TLN2: variants seen among roughly 807,000 people sequenced by gnomAD.
TLN2 encodes talin-2.
Under a neutral mutation model 294.7 loss-of-function variants are expected in TLN2, and 118 were observed. The ratio of observed to expected loss-of-function variants is 0.40; its 90% CI spans 0.34 to 0.47. TLN2 has a LOEUF of 0.47. Among genes scored for constraint, TLN2 ranks in the 20% least tolerant of loss-of-function variants. The pLI, the probability that TLN2 is intolerant of heterozygous loss-of-function variation, is 0.84. For synonymous variants in TLN2, 1,431 were observed against 1,304.5 expected (o/e 1.10, Z -2.09); for missense variants, 3,083 against 3,282.2 (o/e 0.94, Z 1.48).
intron 25 of TLN2, among the ~76,000 whole-genome samples, chr15:62,721,596 A>G (rs2060152848): frequency 6.6e-6 from 1 of 152,072 alleles, no homozygotes; most frequent in Non-Finnish European, 1.5e-5. Flanking sequence ...TAGTTTTATA[A>G]CATATATATT....
intron 1 of TLN2, among the ~76,000 whole-genome samples, chr15:62,456,130 C>T (rs2036465777): frequency 6.6e-6 from 1 of 152,108 alleles, no homozygotes; most frequent in African/African-American, 2.4e-5. Context: ...AAGTAACAGC[C>T]CTGATCGTCC....
chr15:62,608,452 C>G (rs2047634498), intron 2 of TLN2, among the ~76,000 whole-genome samples: 1 of 152,062 alleles, frequency 6.6e-6, no homozygotes, highest in Non-Finnish European at 1.5e-5. Context: ...ATGTGAGGAT[C>G]CTAGCTGGGA....
At chr15:62,695,292 G>A (rs1233445658) in intron 14 of TLN2, among the ~76,000 whole-genome samples, 1 of 152,140 alleles carries the variant, frequency 6.6e-6, no homozygotes, top group Non-Finnish European at 1.5e-5. Flanking sequence ...ATGCAAAAGG[G>A]AGGCCAGGGG....
chr15:62,599,844 C>A (rs1473554515), intron 2 of TLN2, among the ~76,000 whole-genome samples: 1 of 152,064 alleles, frequency 6.6e-6, no homozygotes, highest in Non-Finnish European at 1.5e-5. Context: ...CCCTGTTGGC[C>A]ACTCTTGTCA....
chr15:62,717,015 G>A (rs1331075280), intron 23 of TLN2, among the ~76,000 whole-genome samples: 4 of 151,992 alleles, frequency 2.6e-5, no homozygotes, highest in Non-Finnish European at 5.9e-5. Flanking sequence ...GAGTTTGGAA[G>A]ATGAGACCTT....
At chr15:62,596,702 C>T (rs2046549099) in intron 2 of TLN2, among the ~76,000 whole-genome samples, 1 of 150,848 alleles carries the variant, frequency 6.6e-6, no homozygotes, top group Non-Finnish European at 1.5e-5. Flanking sequence ...CATGCCACTG[C>T]ACTCCAGCAG....
rs757038177 is a variant in TLN2 at position 62,736,840 on chromosome 15, G to A, written c.3359-38G>A. 5.0e-6 allele frequency: 8 copies of A among 1,600,304 alleles called. No individual in the cohort carries two copies. In the Admixed American group the frequency reaches 1.3e-4, roughly 27 times the overall value. ...CCTAAGTAAAATGTGCCATTTAGAT[G>A]GAGTCTAATTGGAAATCTGATGGAC... is the stretch of plus-strand genomic sequence containing the variant. On this transcript the variant is annotated intron_variant, in intron 28 of 58. Transcript: ENST00000636159.
At chr15:62,665,122 G>C (rs555756329) in intron 9 of TLN2, among the ~76,000 whole-genome samples, 29 of 152,174 alleles carry the variant, frequency 1.9e-4, no homozygotes, top group African/African-American at 6.7e-4. Flanking sequence ...ACCCAGGCTG[G>C]AGTGCAGTGG....
At chr15:62,425,624 G>C (rs2034667558) in intron 1 of TLN2, among the ~76,000 whole-genome samples, 2 of 152,186 alleles carry the variant, frequency 1.3e-5, no homozygotes, top group Admixed American at 6.5e-5. Flanking sequence ...TTCCTGCTTT[G>C]GTGTTTGTCT....
Position 62,800,742 on chromosome 15 carries a change from A to T in TLN2, c.6450A>T (p.Thr2150=), listed in dbSNP as rs773093884. The T allele has an allele frequency of 1.2e-6, 2 of 1,613,216 alleles. No individual in the cohort carries two copies. Among genetic ancestry groups the T allele is most frequent in the East Asian group, 4.5e-5 (2 of 44,862 alleles). The change falls in exon 50 of 59, where the codon ACA becomes ACT. Residue 2150 remains threonine, a synonymous_variant. Transcript: ENST00000636159. ...GGGGCACCAGGGCGCTTGAGGCCACAATTGAATGCATAAAGCAGGAGCTTA... is the reference window on the plus strand; with the variant it reads ...GGGGCACCAGGGCGCTTGAGGCCACTATTGAATGCATAAAGCAGGAGCTTA... ...ATRGTRALEA[T]IECIKQELTV... is the part of the protein sequence containing the mutation.
At chr15:62,606,862 C>T (rs77034886) in intron 2 of TLN2, among the ~76,000 whole-genome samples, 8 of 152,264 alleles carry the variant, frequency 5.3e-5, no homozygotes, top group Non-Finnish European at 1.0e-4. Flanking sequence ...GCACCCTCCT[C>T]GCAGTGTTTG....
chr15:62,413,080 C>T (rs1178813435), intron 1 of TLN2, among the ~76,000 whole-genome samples: 1 of 152,134 alleles, frequency 6.6e-6, no homozygotes, highest in Admixed American at 6.5e-5. Flanking sequence ...CCAATGTCTC[C>T]TCCAGGGAGA....
chr15:62,398,922 C>T (rs1486710869), intron 1 of TLN2, among the ~76,000 whole-genome samples: 1 of 152,108 alleles, frequency 6.6e-6, no homozygotes, highest in Non-Finnish European at 1.5e-5. Context: ...TTTGCGGCAG[C>T]CCCTCCCATC....
chr15:62,687,291 T>C (rs1042540928), intron 12 of TLN2, among the ~76,000 whole-genome samples: 2 of 152,204 alleles, frequency 1.3e-5, no homozygotes, highest in African/African-American at 4.8e-5. Context: ...AAATCCAGTT[T>C]GTCATTTCCC....
intron 1 of TLN2, among the ~76,000 whole-genome samples, chr15:62,537,489 A>G (rs934098443): frequency 3.3e-5 from 5 of 152,246 alleles, no homozygotes; most frequent in Admixed American, 2.6e-4. Flanking sequence ...AAAGTGGAGT[A>G]ATGCCATAAA....
At chr15:62,598,177 C>G (rs1029159148) in intron 2 of TLN2, among the ~76,000 whole-genome samples, 9 of 152,184 alleles carry the variant, frequency 5.9e-5, no homozygotes, top group Admixed American at 3.3e-4. Context: ...TTATCACTGA[C>G]ATTTCACACA....
Position 62,725,110 on chromosome 15 carries a change from C to T in TLN2, c.3255+6C>T. On this transcript the variant is annotated splice_donor_region_variant and intron_variant, in intron 27 of 58. Coordinates refer to ENST00000636159, the MANE Select transcript of TLN2 (RefSeq NM_015059.3). ...AGCCACTTCCAGGGGAAACGGTGAG[C>T]TGTTAGAGCCAGCTGGGGTGCGGGT... 6.2e-7 allele frequency: 1 copy of T among 1,606,946 alleles called. No individual in the cohort carries two copies. The highest frequency in any genetic ancestry group is 8.5e-7 in the Non-Finnish European group (1 of 1,175,992).
At chr15:62,777,118 T>G (rs2063770571) in intron 43 of TLN2, among the ~76,000 whole-genome samples, 1 of 152,202 alleles carries the variant, frequency 6.6e-6, no homozygotes, top group Non-Finnish European at 1.5e-5. Context: ...GCCTTCTAAT[T>G]TTACATGAAA....
intron 1 of TLN2, among the ~76,000 whole-genome samples, chr15:62,574,579 C>CAAAAAAAAAAAAAAAAAAAAAAA (rs56279063): frequency 4.3e-5 from 2 of 46,486 alleles, no homozygotes; most frequent in East Asian, 9.0e-4. Flanking sequence ...GACCCTGTCT[C>CAAAAAAAAAAAAAAAAAAAAAAA]AAAAAAAAAA....
Sources: allele counts gnomAD v4.1 joint callset (sites outside exome capture counted in the v4.1 genomes callset), GRCh38; gene constraint gnomAD v4.1.1; transcripts MANE v1.5; gene names NCBI Gene and HGNC (gene_info 2026-07-23, HGNC 2026-07-21).